Variants in TECPR2 observed in about 807,000 individuals in gnomAD.
TECPR2 encodes the protein tectonin beta-propeller repeat containing 2.
In TECPR2, 65 loss-of-function variants were observed where a neutral mutation model predicts 138.1. The ratio of observed to expected loss-of-function variants is 0.47; its 90% confidence interval spans 0.39 to 0.58. The LOEUF (loss-of-function observed/expected upper bound fraction) is 0.58. Ranked by LOEUF, TECPR2 falls within the 20% of genes least tolerant of loss-of-function variation. The pLI, the probability that TECPR2 is intolerant of heterozygous loss-of-function variation, is 0.00. For missense variants in TECPR2, 1,553 were observed against 1,824.5 expected, an observed-to-expected ratio of 0.85 and a Z score of 2.71; for synonymous variants, 746 against 749.8, an observed-to-expected ratio of 0.99 and a Z score of 0.08.
chr14:102,490,733 C>T (rs1259828342), intron 17 of TECPR2, among the ~76,000 whole-genome samples: 1 of 152,214 alleles, frequency 6.6e-6, no homozygotes, highest in Non-Finnish European at 1.5e-5. Flanking sequence ...CCTGTTCCAT[C>T]GGCCTCTTAG....
chr14:102,401,800 G>A (rs540797638), intron 2 of TECPR2, among the ~76,000 whole-genome samples: 11 of 52,264 alleles, frequency 2.1e-4, no homozygotes, highest in Admixed American at 8.0e-4. Flanking sequence ...GCGAGACTCC[G>A]TCTCAAAAAA....
chr14:102,415,070 CA>C lies in TECPR2; in HGVS notation c.638+278del, dbSNP rs553384922. 2.3e-4 allele frequency among the ~76,000 whole-genome samples: 35 copies of C among 152,286 alleles called. No homozygotes were observed. The highest frequency in any genetic ancestry group is 7.0e-4 in the African/African-American group (29 of 41,560). On this transcript the variant is annotated intron_variant, in intron 5 of 19. Coordinates refer to ENST00000359520, the MANE Select transcript of TECPR2 (RefSeq NM_014844.5). This position sits in a 1 kb window ranked among gnomAD's most constrained non-coding sequence, Gnocchi z 4.3. ...TGCCACAGTCAGCGCAGAGAAGCCT[CA>C]GGGGTGGCCTGGTCTATCTGTTCCT...
rs749131501 is a variant in TECPR2 at position 102,434,221 on chromosome 14, T to C, written c.1418-14T>C. ...GAACCGTGCCTTATTTTGAATGTTC[T>C]TATTCTGAATTAGAAGGTGGAAGCA... is the stretch of plus-strand genomic sequence containing the variant. On this transcript the variant is annotated splice_polypyrimidine_tract_variant and intron_variant, in intron 8 of 19. Coordinates refer to ENST00000359520, the MANE Select transcript of TECPR2 (RefSeq NM_014844.5). The C allele has an allele frequency of 7.4e-7, 1 of 1,356,708 alleles. No individual in the cohort carries two copies. Among genetic ancestry groups the C allele is most frequent in the African/African-American group, 1.5e-5 (1 of 68,320 alleles). 84.0% of individuals were successfully genotyped at this position (1,356,708 alleles called of 1,614,324 possible).
Position 102,436,665 on chromosome 14 carries a change from C to T in TECPR2, c.2395-1357C>T, listed in dbSNP as rs932422441. ...TCATCCGGCATTTATCTTTTCAACC[C>T]AGTGGTTCTTGAGTGGCCTTGACTG... On this transcript the variant is annotated intron_variant, in intron 9 of 19. Transcript: ENST00000359520. Among the ~76,000 whole-genome samples the T allele has an allele frequency of 3.2e-4, 48 of 152,202 alleles. 1 individual carries two copies. Among genetic ancestry groups the T allele is most frequent in the African/African-American group, 1.0e-3 (43 of 41,450 alleles).
intron 2 of TECPR2, among the ~76,000 whole-genome samples, chr14:102,399,837 G>C (rs1208402434): frequency 7.7e-6 from 1 of 130,566 alleles, no homozygotes; most frequent in Non-Finnish European, 1.7e-5. Context: ...CTCAAAAAAA[G>C]AAATGAAGAA....
intron 10 of TECPR2, among the ~76,000 whole-genome samples, chr14:102,439,751 G>A (rs139556393): frequency 1.8e-3 from 279 of 152,344 alleles, no homozygotes; most frequent in African/African-American, 5.9e-3. Flanking sequence ...AGAGATGCTC[G>A]ACAGGCCCTC....
chr14:102,425,781 G>A (rs1889302763), intron 6 of TECPR2, among the ~76,000 whole-genome samples: 2 of 150,622 alleles, frequency 1.3e-5, no homozygotes, highest in Admixed American at 1.3e-4. Flanking sequence ...TCACAATGTT[G>A]GTCAGGCTGG....
rs374972168 is a variant in TECPR2, at chr14:102,435,051, G to A, written c.2234G>A (p.Arg745Gln). ...THKPWLEQPP[R>Q]DQTLTSSDEE... ...AAGCCCTGGCTTGAGCAGCCTCCAC[G>A]GGATCAGACATTGACGTCCAGCGAT... Residue 745 changes from arginine (R) to glutamine (Q), a missense_variant, in exon 9 of 20, where the codon CGG becomes CAG. Physicochemically the swap from Arg to Gln is conservative, Grantham distance 43. Coordinates refer to ENST00000359520, the MANE Select transcript of TECPR2 (RefSeq NM_014844.5). 9.7e-5 allele frequency: 157 copies of A among 1,613,914 alleles called. No homozygotes were observed. The highest frequency in any genetic ancestry group is 2.7e-4 in the Admixed American group (16 of 60,000).
chr14:102,471,000 G>A (rs1007983521), intron 17 of TECPR2, among the ~76,000 whole-genome samples: 1 of 152,054 alleles, frequency 6.6e-6, no homozygotes, highest in Non-Finnish European at 1.5e-5. Context: ...TGTATTTTTA[G>A]TAGAGATGGG....
At chr14:102,496,314 C>G (rs532929511) in intron 17 of TECPR2, among the ~76,000 whole-genome samples, 2 of 152,332 alleles carry the variant, frequency 1.3e-5, no homozygotes, top group East Asian at 3.9e-4. Context: ...GCATGGAGGC[C>G]TGGTCCAACT....
At chr14:102,463,897 C>T (rs753062477) in intron 16 of TECPR2, among the ~76,000 whole-genome samples, 1 of 152,220 alleles carries the variant, frequency 6.6e-6, no homozygotes, top group Non-Finnish European at 1.5e-5. Context: ...GTACACCAGC[C>T]TGGATGACAG....
At position 102,497,159 on chromosome 14, in the gene TECPR2, C is replaced by G. The variant is rs202232712; in HGVS notation, c.3931+39C>G. The G allele has an allele frequency of 3.1e-6, 5 of 1,594,102 alleles. 1 individual carries two copies. Among genetic ancestry groups the G allele is most frequent in the South Asian group, 2.2e-5 (2 of 89,568 alleles). On this transcript the variant is annotated intron_variant, in intron 18 of 19. Coordinates refer to ENST00000359520, the MANE Select transcript of TECPR2 (RefSeq NM_014844.5). ...GACAGGGCCTGTGGTGCCGGCCAGC[C>G]GGGGCTACCATCACTGGGGGCTGCT...
At chr14:102,394,224 A>G (rs978693389) in intron 2 of TECPR2, among the ~76,000 whole-genome samples, 2 of 152,188 alleles carry the variant, frequency 1.3e-5, no homozygotes, top group Non-Finnish European at 2.9e-5. Flanking sequence ...CGGAGAAAGT[A>G]TCGAGCACAG....
chr14:102,494,338 T>C (rs112628324), intron 17 of TECPR2, among the ~76,000 whole-genome samples: 1 of 150,326 alleles, frequency 6.7e-6, no homozygotes, highest in Non-Finnish European at 1.5e-5. Flanking sequence ...AGGTCAGGAG[T>C]TCTAGATCAG....
At chr14:102,373,188 GT>G (rs547215688) in intron 1 of TECPR2, among the ~76,000 whole-genome samples, 1,875 of 147,414 alleles carry the variant, frequency 0.013, 36 homozygotes, top group African/African-American at 0.044. Context: ...CTTCATGTTT[GT>G]TTTTTTTTTC....
At chr14:102,392,056 T>C (rs931740661) in intron 2 of TECPR2, among the ~76,000 whole-genome samples, 1 of 152,210 alleles carries the variant, frequency 6.6e-6, no homozygotes, top group African/African-American at 2.4e-5. Flanking sequence ...TGGTGTGATC[T>C]TGGCTCACCG....
At chr14:102,428,013 C>T (rs1016175946) in intron 6 of TECPR2, among the ~76,000 whole-genome samples, 8 of 152,156 alleles carry the variant, frequency 5.3e-5, no homozygotes, top group African/African-American at 1.7e-4. Context: ...CAGGGTGGTA[C>T]GTGGGTCGGA....
chr14:102,428,410 G>A (rs1889386249), intron 7 of TECPR2, 28 bp downstream of exon 7: 4 of 1,606,400 alleles, frequency 2.5e-6, no homozygotes, highest in South Asian at 1.1e-5. Context: ...AATGTACCAT[G>A]TATATGATGG....
At chr14:102,477,201 C>T (rs1890784445) in intron 17 of TECPR2, among the ~76,000 whole-genome samples, 1 of 152,124 alleles carries the variant, frequency 6.6e-6, no homozygotes, top group African/African-American at 2.4e-5. Flanking sequence ...GAAACCCCGT[C>T]TCTATTAAAA....
Sources: allele counts gnomAD v4.1 joint callset (sites outside exome capture counted in the v4.1 genomes callset), GRCh38; gene constraint gnomAD v4.1.1; non-coding constraint Gnocchi (gnomAD v3.1); transcripts MANE v1.5; gene names NCBI Gene and HGNC (gene_info 2026-07-23, HGNC 2026-07-21).